Variants in FAM186A observed in about 807,000 individuals in gnomAD.
FAM186A encodes the protein family with sequence similarity 186 member A, also known as protein FAM186A.
In FAM186A, 163 loss-of-function variants were observed where a neutral mutation model predicts 216.8. The ratio of observed to expected loss-of-function variants is 0.75; its 90% CI spans 0.66 to 0.86. The LOEUF (loss-of-function observed/expected upper bound fraction) is 0.86. Among genes scored for constraint, FAM186A ranks in the 40% least tolerant of loss-of-function variants. The pLI is 0.00. For missense variants in FAM186A, 2,184 were observed against 2,746.2 expected, an observed-to-expected ratio of 0.80 and a Z score of 4.58; for synonymous variants, 805 against 1,025.3, an observed-to-expected ratio of 0.79 and a Z score of 4.10.
intron 4 of FAM186A, among the ~76,000 whole-genome samples, chr12:50,343,790 T>C (rs1401261818): frequency 6.6e-6 from 1 of 152,180 alleles, no homozygotes; most frequent in African/African-American, 2.4e-5. Context: ...AGCTAATTTT[T>C]TGTATTTTTA....
At chr12:50,377,024 T>C (rs1404877920) in intron 1 of FAM186A, among the ~76,000 whole-genome samples, 3 of 152,112 alleles carry the variant, frequency 2.0e-5, no homozygotes, top group Non-Finnish European at 4.4e-5. Flanking sequence ...CTTGGGATTA[T>C]AGGCATGAGC....
At chr12:50,343,171 C>T (rs368201699) in intron 4 of FAM186A, among the ~76,000 whole-genome samples, 3 of 151,896 alleles carry the variant, frequency 2.0e-5, no homozygotes, top group African/African-American at 4.8e-5. Context: ...ACAGTGATCA[C>T]GCCACTGCAC....
chr12:50,369,496 C>A (rs1245371067), intron 1 of FAM186A, among the ~76,000 whole-genome samples: 704 of 114,304 alleles, frequency 6.2e-3, no homozygotes, highest in Middle Eastern at 9.6e-3. Flanking sequence ...GACTCCGTCT[C>A]AAAAAAAAAA....
At chr12:50,383,137 C>T (rs189859348) in intron 1 of FAM186A, among the ~76,000 whole-genome samples, 3 of 149,880 alleles carry the variant, frequency 2.0e-5, no homozygotes, top group African/African-American at 7.3e-5. Flanking sequence ...GTGATCTCAG[C>T]TACTCTGGAG....
In FAM186A at chr12:50,331,855, A is replaced by T. The variant is rs946907254; in HGVS notation, c.6697-34T>A. 2.0e-6 allele frequency: 3 copies of T among 1,489,396 alleles called. No homozygotes were observed. The African/African-American group carries it at 4.3e-5, about 21-fold the overall frequency. The allele number at this position is 1,489,396 out of a possible 1,614,324, so 92.3% of individuals were successfully genotyped here. ...AAAAATAGATCAGAAAAAGGAAACCATGAAAAGAGACAGAATCTTTAGAAG... is the reference window on the plus strand; with the variant it reads ...AAAAATAGATCAGAAAAAGGAAACCTTGAAAAGAGACAGAATCTTTAGAAG... On this transcript the variant is annotated intron_variant, in intron 5 of 7. Coordinates refer to ENST00000327337, the MANE Select transcript of FAM186A (RefSeq NM_001145475.3).
chr12:50,329,635 T>C (rs896341631), intron 7 of FAM186A, among the ~76,000 whole-genome samples: 15 of 152,038 alleles, frequency 9.9e-5, no homozygotes, highest in South Asian at 4.2e-4. Flanking sequence ...TCTCACTCTA[T>C]TGCCCAGGCT....
At position 50,351,231 on chromosome 12, in the gene FAM186A, A is replaced by G; in HGVS notation, c.5601T>C (p.Ser1867=). ...SPGQPLVPEA[S]SIPGDLLESG... ...ATTCCAGGAGGTCCCCAGGGATGGA[A>G]GAGGCTTCAGGAACTAAGGGCTGCC... The change falls in exon 4 of 8, where the codon TCT becomes TCC. Residue 1867 remains serine, a synonymous_variant. Transcript: ENST00000327337. The G allele has an allele frequency of 3.2e-6, 5 of 1,551,536 alleles. No individual in the cohort carries two copies. The highest frequency in any genetic ancestry group is 4.4e-6 in the Non-Finnish European group (5 of 1,146,938).
At chr12:50,327,550 T>C in intron 7 of FAM186A, 146 bp from the exon 8 acceptor site, 1 of 641,206 alleles carries the variant, frequency 1.6e-6, no homozygotes, top group Non-Finnish European at 2.7e-6. Flanking sequence ...CTTTTTTTTT[T>C]TTTTTTTTTG....
At position 50,368,291 on chromosome 12, in the gene FAM186A, CTCAGGAGGCTGAGG is replaced by C. The variant is rs1184454648; in HGVS notation, c.193-4941_193-4928del. 3.3e-5 allele frequency among the ~76,000 whole-genome samples: 5 copies of C among 152,024 alleles called. No individual in the cohort carries two copies. In the East Asian group the frequency reaches 9.6e-4, roughly 29 times the overall value. ...TGGTGGGCATTTATAATCCCAGCTA[CTCAGGAGGCTGAGG>C]CAGGAGAATTTCTTCACCCGGGAGG... On this transcript the variant is annotated intron_variant, in intron 1 of 7. Coordinates refer to ENST00000327337, the MANE Select transcript of FAM186A (RefSeq NM_001145475.3).
chr12:50,334,622 T>G (rs1257751174), intron 4 of FAM186A, among the ~76,000 whole-genome samples: 1 of 151,948 alleles, frequency 6.6e-6, no homozygotes, highest in Non-Finnish European at 1.5e-5. Context: ...GGAATACAGG[T>G]GTGCACCACC....
chr12:50,351,146 G>C lies in FAM186A; in HGVS notation c.5686C>G (p.Gln1896Glu). 6.4e-7 allele frequency: 1 copy of C among 1,551,598 alleles called. No homozygotes were observed. ...GAAGGAGCCTGCAGATAGGGAGATT[G>C]CTCAGCAGTGGCAGGAGGCTGGAAT... Reference protein sequence around the residue: ...QEFQPPATAEQSPYLQAPSTP... With the variant: ...QEFQPPATAEESPYLQAPSTP... Residue 1896 changes from glutamine to glutamate, a missense_variant, in exon 4 of 8, where the codon CAA becomes GAA. Transcript: ENST00000327337.
chr12:50,367,954 T>C (rs2136099884), intron 1 of FAM186A, among the ~76,000 whole-genome samples: 1 of 152,310 alleles, frequency 6.6e-6, no homozygotes, highest in South Asian at 2.1e-4. Context: ...AAGACCAGCC[T>C]GGCCAACATG....
intron 1 of FAM186A, among the ~76,000 whole-genome samples, chr12:50,393,383 A>G (rs1260854308): frequency 6.6e-6 from 1 of 151,184 alleles, no homozygotes; most frequent in East Asian, 2.0e-4. Context: ...ACTAAAATAC[A>G]AAAATCAACC....
chr12:50,389,477 GCAA>G lies in FAM186A; in HGVS notation c.192+6813_192+6815del, dbSNP rs1162507072. Reference sequence around the variant, plus strand: ...ATCGCGACATTGCACGCCAGCTTGGGCAACAAGAGCAAAACTCCATCTCAAAAA... The same window carrying G: ...ATCGCGACATTGCACGCCAGCTTGGGCAAGAGCAAAACTCCATCTCAAAAA... On this transcript the variant is annotated intron_variant, in intron 1 of 7. Coordinates refer to ENST00000327337, the MANE Select transcript of FAM186A (RefSeq NM_001145475.3). Among the ~76,000 whole-genome samples, 4 of 152,132 alleles carry G rather than the reference GCAA, an allele frequency of 2.6e-5. 1 individual carries two copies. Among genetic ancestry groups the G allele is most frequent in the Admixed American group, 2.6e-4 (4 of 15,248 alleles).
At chr12:50,359,248 A>C (rs1045705435) in intron 3 of FAM186A, among the ~76,000 whole-genome samples, 8 of 151,890 alleles carry the variant, frequency 5.3e-5, no homozygotes, top group Admixed American at 1.3e-4. Flanking sequence ...AAAATACAAA[A>C]TTAGCAGGGC....
chr12:50,375,946 G>C (rs1364915344), intron 1 of FAM186A, among the ~76,000 whole-genome samples: 1 of 152,022 alleles, frequency 6.6e-6, no homozygotes, highest in African/African-American at 2.4e-5. Flanking sequence ...GCCAGGCATG[G>C]AGCACCGAGG....
intron 1 of FAM186A, among the ~76,000 whole-genome samples, chr12:50,382,561 G>T (rs917460194): frequency 6.6e-6 from 1 of 151,838 alleles, no homozygotes; most frequent in African/African-American, 2.4e-5. Flanking sequence ...TTAGCCAGGT[G>T]TGGTGGCTCA....
chr12:50,388,889 CCAAAAATA>C (rs1277311912), intron 1 of FAM186A, among the ~76,000 whole-genome samples: 1 of 151,376 alleles, frequency 6.6e-6, no homozygotes, highest in East Asian at 2.0e-4. Context: ...CCCATTTCTA[CCAAAAATA>C]CAAAAATTAG....
At chr12:50,395,762 A>T (rs1943406212) in intron 1 of FAM186A, among the ~76,000 whole-genome samples, 1 of 152,018 alleles carries the variant, frequency 6.6e-6, no homozygotes, top group Non-Finnish European at 1.5e-5. Context: ...GAACAAATGA[A>T]AACTTTTTTT....
Sources: gnomAD v4.1 joint callset for allele counts (sites outside exome capture counted in the v4.1 genomes callset) on GRCh38, gnomAD v4.1.1 for gene constraint, MANE v1.5 for transcripts, NCBI Gene and HGNC (gene_info 2026-07-23, HGNC 2026-07-21) for gene names.